The following PLCB1 variants were observed in gnomAD, a reference collection of about 807,000 sequenced individuals.
PLCB1 encodes 1-phosphatidylinositol 4,5-bisphosphate phosphodiesterase beta-1.
PLCB1 carries 46 observed loss-of-function variants against 161.8 expected under a neutral mutation model. The observed-to-expected ratio is 0.28, with a 90% CI of 0.22 to 0.36. The LOEUF (loss-of-function observed/expected upper bound fraction) is 0.36, where lower values mean the gene tolerates loss of function less well. Among genes scored for constraint, PLCB1 ranks in the 10% least tolerant of loss-of-function variants. The pLI is 1.00. For synonymous variants in PLCB1, 517 were observed against 503.7 expected (o/e 1.03, Z -0.35); for missense variants, 1,016 against 1,472.5 (o/e 0.69, Z 5.07).
rs41275594 is a variant in PLCB1 at position 8,882,791 on chromosome 20, G to A, written c.*942G>A. 0.068 allele frequency: 10,375 copies of A among 152,248 alleles called. 507 individuals carry two copies. The highest frequency in any genetic ancestry group is 0.099 in the Middle Eastern group (29 of 292). 9.4% of individuals were successfully genotyped at this position (152,248 alleles called of 1,614,324 possible). A position where few individuals can be genotyped will look rare whatever the true frequency, so the allele number is the denominator to read the frequency against. ...GTTCATTTATTTTTAATATAGAGAGGAAGATTGAATATTTATCTAGAGAAT... is the reference window on the plus strand; with the variant it reads ...GTTCATTTATTTTTAATATAGAGAGAAAGATTGAATATTTATCTAGAGAAT... On this transcript the variant is annotated 3_prime_UTR_variant, in exon 32 of 32. Transcript: ENST00000338037.
chr20:8,462,801 C>T (rs991013175), intron 3 of PLCB1, among the ~76,000 whole-genome samples: 5 of 131,074 alleles, frequency 3.8e-5, no homozygotes, highest in Non-Finnish European at 8.7e-5. Context: ...TTGCTTTCCT[C>T]CACAATAAGG....
Position 8,132,880 on chromosome 20 carries a change from ACAGGTTGG to A in PLCB1, c.99+133_99+140del, listed in dbSNP as rs2122992602. On this transcript the variant is annotated intron_variant, in intron 1 of 31. Transcript: ENST00000338037. This position sits in a 1 kb window ranked among gnomAD's most constrained non-coding sequence, Gnocchi z 5.2. ...AGCGGGCAGGGGCAGCCTCGGGCGC[ACAGGTTGG>A]CATCTGCCAAAGCGGATGTCCAAGG... is the stretch of plus-strand genomic sequence containing the variant. The A allele has an allele frequency of 3.0e-6, 2 of 669,910 alleles. No homozygotes were observed. Among genetic ancestry groups the A allele is most frequent in the South Asian group, 3.6e-5 (2 of 55,734 alleles). The allele number at this position is 669,910 out of a possible 1,614,324, so 41.5% of individuals were successfully genotyped here.
At chr20:8,507,215 A>G (rs56386938) in intron 3 of PLCB1, among the ~76,000 whole-genome samples, 3,136 of 152,250 alleles carry the variant, frequency 0.021, 113 homozygotes, top group African/African-American at 0.072. Context: ...TGAGTAGGCC[A>G]TGGAGGAGGG....
chr20:8,704,214 G>T (rs913950033), intron 11 of PLCB1, among the ~76,000 whole-genome samples: 1 of 152,138 alleles, frequency 6.6e-6, no homozygotes, highest in African/African-American at 2.4e-5. Context: ...AATTGTCTGG[G>T]TGTGGTGGTA....
intron 4 of PLCB1, among the ~76,000 whole-genome samples, chr20:8,635,449 T>C (rs1409832509): frequency 6.6e-6 from 1 of 152,190 alleles, no homozygotes; most frequent in African/African-American, 2.4e-5. Context: ...CCTTAGCAGA[T>C]TGGTTGCTTA....
chr20:8,832,338 G>A (rs1986054401), intron 31 of PLCB1, among the ~76,000 whole-genome samples: 1 of 152,118 alleles, frequency 6.6e-6, no homozygotes, highest in South Asian at 2.1e-4. Flanking sequence ...ATAAATTGTG[G>A]AACACTTGGT....
At chr20:8,758,433 T>C (rs1981850913) in intron 24 of PLCB1, among the ~76,000 whole-genome samples, 1 of 151,852 alleles carries the variant, frequency 6.6e-6, no homozygotes, top group Non-Finnish European at 1.5e-5. Context: ...AATACATAAG[T>C]TAGCCTGGCA....
intron 2 of PLCB1, among the ~76,000 whole-genome samples, chr20:8,206,416 G>A (rs1253196544): frequency 6.6e-6 from 1 of 152,078 alleles, no homozygotes; most frequent in Non-Finnish European, 1.5e-5. Context: ...AATGAGACAG[G>A]AATTATGGGT....
intron 2 of PLCB1, among the ~76,000 whole-genome samples, chr20:8,310,563 T>A (rs1211779419): frequency 2.0e-5 from 3 of 152,246 alleles, no homozygotes. Context: ...TCTAGGGTGA[T>A]GAAAATGGTC....
intron 24 of PLCB1, 83 bp from the exon 25 acceptor site, chr20:8,760,324 G>T (rs1981952814): frequency 1.3e-6 from 1 of 753,478 alleles, no homozygotes; most frequent in Non-Finnish European, 2.2e-6. Flanking sequence ...TTAGATTCAA[G>T]GCCCAAATAT....
intron 2 of PLCB1, among the ~76,000 whole-genome samples, chr20:8,276,766 C>G (rs951503712): frequency 2.0e-5 from 3 of 151,890 alleles, no homozygotes; most frequent in Admixed American, 6.6e-5. Flanking sequence ...GAAATTGGCC[C>G]TCAGCCTGAA....
intron 3 of PLCB1, among the ~76,000 whole-genome samples, chr20:8,415,273 T>C (rs73897472): frequency 0.02 from 3,051 of 152,298 alleles, 114 homozygotes; most frequent in African/African-American, 0.07. Flanking sequence ...ACTCAGCATC[T>C]CTAGTTGCAG....
At chr20:8,721,192 AG>A (rs1600275476) in intron 14 of PLCB1, among the ~76,000 whole-genome samples, 2 of 152,232 alleles carry the variant, frequency 1.3e-5, no homozygotes, top group East Asian at 3.8e-4. Context: ...CTCAGAGGAC[AG>A]TGCAGTGGTA....
At chr20:8,866,296 C>G (rs573944622) in intron 31 of PLCB1, among the ~76,000 whole-genome samples, 1 of 152,222 alleles carries the variant, frequency 6.6e-6, no homozygotes, top group African/African-American at 2.4e-5. Context: ...CTTCCTCTTC[C>G]CAGTGATAGT....
At chr20:8,797,496 G>A (rs965915844) in intron 31 of PLCB1, among the ~76,000 whole-genome samples, 6 of 151,386 alleles carry the variant, frequency 4.0e-5, no homozygotes, top group East Asian at 1.9e-4. Context: ...TCCATCCTTC[G>A]TCTTTCTTTA....
rs1568549525 is a variant in PLCB1, at chr20:8,658,520, GT to G, written c.696-13del. On this transcript the variant is annotated splice_polypyrimidine_tract_variant and intron_variant, in intron 8 of 31. Transcript: ENST00000338037. ...TAGTTTAAAAAATTCTTATTGCTTG[GT>G]TTTTCATTGTTTTTAGTGGTGCAAA... 6 of 1,558,426 alleles carry G rather than the reference GT, an allele frequency of 3.9e-6. No individual in the cohort carries two copies. The highest frequency in any genetic ancestry group is 4.3e-6 in the Non-Finnish European group (5 of 1,155,462).
At chr20:8,349,655 C>T (rs1405510406) in intron 2 of PLCB1, among the ~76,000 whole-genome samples, 1 of 152,122 alleles carries the variant, frequency 6.6e-6, no homozygotes, top group Admixed American at 6.5e-5. Context: ...TTTATTTTTG[C>T]TGGCAGCATT....
intron 2 of PLCB1, among the ~76,000 whole-genome samples, chr20:8,296,609 G>A (rs746524878): frequency 6.6e-5 from 10 of 152,124 alleles, no homozygotes; most frequent in Non-Finnish European, 1.2e-4. Context: ...GCAGAGGGAT[G>A]GAATGTGTAC....
At chr20:8,523,488 C>CCATATATATATATATATATATA (rs1984443364) in intron 3 of PLCB1, among the ~76,000 whole-genome samples, 2 of 59,376 alleles carry the variant, frequency 3.4e-5, no homozygotes, top group African/African-American at 9.4e-5. Context: ...CTCTCTCTCT[C>CCATATATATATATATATATATA]TCTCTCTCTA....
Sources: gnomAD v4.1 joint callset for allele counts (sites outside exome capture counted in the v4.1 genomes callset) on GRCh38, gnomAD v4.1.1 for gene constraint, Gnocchi (gnomAD v3.1) non-coding constraint, MANE v1.5 for transcripts, NCBI Gene and HGNC (gene_info 2026-07-23, HGNC 2026-07-21) for gene names.